DLK2: variants seen among roughly 807,000 people sequenced by gnomAD.
DLK2 encodes delta like non-canonical Notch ligand 2, also known as protein delta homolog 2.
Under a neutral mutation model 31.3 loss-of-function variants are expected in DLK2, and 9 were observed. The ratio of observed to expected loss-of-function variants is 0.29; its 90% confidence interval spans 0.17 to 0.50. DLK2 has a LOEUF of 0.50. DLK2 is among the 20% of genes least tolerant of loss of function. The probability of loss-of-function intolerance (pLI) is 0.98; values close to 1 mark genes in which losing one functional copy is unlikely to be tolerated. For missense variants in DLK2, 387 were observed against 526.1 expected (o/e 0.74, Z 2.59); for synonymous variants, 169 against 201.2 (o/e 0.84, Z 1.35).
rs1291286116 is a variant in DLK2 at position 43,450,464 on chromosome 6, G to A, written c.*75C>T. ...CCTCTGTGTGTGTACCCAAGCTGAA[G>A]GGTGGTGAGAACGGACCACTCCAGT... On this transcript the variant is annotated 3_prime_UTR_variant, in exon 6 of 6. Transcript: ENST00000372488. This position sits in a 1 kb window ranked among gnomAD's most constrained non-coding sequence, Gnocchi z 4.5. 6.8e-7 allele frequency: 1 copy of A among 1,480,624 alleles called. No individual in the cohort carries two copies. The highest frequency in any genetic ancestry group is 1.4e-5 in the African/African-American group (1 of 71,174). 91.7% of individuals were successfully genotyped at this position (1,480,624 alleles called of 1,614,324 possible). A position where few individuals can be genotyped will look rare whatever the true frequency, so the allele number is the denominator to read the frequency against.
In DLK2 at chr6:43,450,549, G is replaced by T; in HGVS notation, c.1142C>A (p.Thr381Lys). Residue 381 changes from threonine to lysine, a missense_variant, in exon 6 of 6, where the codon ACA becomes AAA. Coordinates refer to ENST00000372488, the MANE Select transcript of DLK2 (RefSeq NM_023932.4). The surrounding 1 kb of genome is among the most constrained non-coding windows in gnomAD (Gnocchi z 4.5). ...RDLPPEPGKT[T>K]AL ...AAGCCCCCACCTCCATCACAGTGCT[G>T]TGGTCTTTCCAGGCTCAGGGGGCAA... is the stretch of plus-strand genomic sequence containing the variant. 1.3e-6 allele frequency: 2 copies of T among 1,562,166 alleles called. No homozygotes were observed. The highest frequency in any genetic ancestry group is 1.7e-6 in the Non-Finnish European group (2 of 1,152,362).
rs1007047651 is a variant in DLK2 at position 43,455,456 on chromosome 6, C to G, written c.-117G>C. On this transcript the variant is annotated 5_prime_UTR_variant, in exon 1 of 6. Coordinates refer to ENST00000372488, the MANE Select transcript of DLK2 (RefSeq NM_023932.4). Reference sequence around the variant, plus strand: ...AGAGGCCGGATCCGACGGGCGCCGCCGAGGGGCCGTGAGGGAGCGCGGGGC... The same window carrying G: ...AGAGGCCGGATCCGACGGGCGCCGCGGAGGGGCCGTGAGGGAGCGCGGGGC... The G allele has an allele frequency of 6.7e-6, 1 of 149,460 alleles. No homozygotes were observed. Among genetic ancestry groups the G allele is most frequent in the African/African-American group, 2.5e-5 (1 of 40,656 alleles). The allele number at this position is 149,460 out of a possible 1,614,324, so 9.3% of individuals were successfully genotyped here. A position where few individuals can be genotyped will look rare whatever the true frequency, so the allele number is the denominator to read the frequency against.
chr6:43,455,285 CCCCG>C (rs747034860), intron 1 of DLK2, 106 bp downstream of exon 1: 114 of 148,788 alleles, frequency 7.7e-4, no homozygotes, highest in East Asian at 1.7e-3. Flanking sequence ...CAGCCCCCCC[CCCCG>C]CCACCACCAC....
chr6:43,451,912 CCACTCACCCTGAGGGCCCAG>C lies in DLK2; in HGVS notation c.416+8_416+27del, dbSNP rs1460401130. The stretch of plus-strand genomic sequence containing the variant: ...CATCACCAGGTTCTGGTCTAACCTT[CCACTCACCCTGAGGGCCCAG>C]CACTCACCCTGCCTGTTCACAGGGT... On this transcript the variant is annotated splice_region_variant and intron_variant, in intron 5 of 5. Coordinates refer to ENST00000372488, the MANE Select transcript of DLK2 (RefSeq NM_023932.4). This position sits in a 1 kb window ranked among gnomAD's most constrained non-coding sequence, Gnocchi z 4.4. The C allele has an allele frequency of 3.3e-5, 53 of 1,612,876 alleles. No homozygotes were observed. Among genetic ancestry groups the C allele is most frequent in the Non-Finnish European group, 4.4e-5 (52 of 1,179,742 alleles).
In DLK2 at chr6:43,453,557, T is replaced by C. The variant is rs1195286672; in HGVS notation, c.141-422A>G. Reference sequence around the variant, plus strand: ...CCTGTAATCCCAGCACTTTGGGAGGTCGAGGCAGGTGGATCACTTGAGGTC... The same window carrying C: ...CCTGTAATCCCAGCACTTTGGGAGGCCGAGGCAGGTGGATCACTTGAGGTC... On this transcript the variant is annotated intron_variant, in intron 3 of 5. Transcript: ENST00000372488. The surrounding 1 kb of genome is among the most constrained non-coding windows in gnomAD (Gnocchi z 4.1). 2.0e-5 allele frequency among the ~76,000 whole-genome samples: 3 copies of C among 151,682 alleles called. No individual in the cohort carries two copies. Among genetic ancestry groups the C allele is most frequent in the Non-Finnish European group, 2.9e-5 (2 of 67,934 alleles).
Position 43,450,645 on chromosome 6 carries a change from T to C in DLK2, c.1046A>G (p.Tyr349Cys), listed in dbSNP as rs959790697. 18 of 1,613,414 alleles carry C rather than the reference T, an allele frequency of 1.1e-5. No individual in the cohort carries two copies. Among genetic ancestry groups the C allele is most frequent in the Non-Finnish European group, 1.5e-5 (18 of 1,179,792 alleles). The change falls in exon 6 of 6, where the codon TAT (tyrosine) becomes TGT (cysteine). Residue 349 changes from tyrosine (Y) to cysteine (C), a missense_variant. Transcript: ENST00000372488. The surrounding 1 kb of genome is among the most constrained non-coding windows in gnomAD (Gnocchi z 4.5). ...PGPCCYPAPH[Y>C]APACQDQECQ... ...CTCCTGGTCCTGGCACGCTGGAGCA[T>C]AGTGTGGGGCAGGGTAGCAACAGGG...
intron 4 of DLK2, among the ~76,000 whole-genome samples, chr6:43,452,513 C>T (rs1349355770): frequency 6.6e-6 from 1 of 152,166 alleles, no homozygotes; most frequent in Non-Finnish European, 1.5e-5. Flanking sequence ...GTCAGGAGTT[C>T]GAGACCAGCC....
At chr6:43,455,125 G>A (rs974628006) in intron 1 of DLK2, 1 of 980,046 alleles carries the variant, frequency 1.0e-6, no homozygotes, top group African/African-American at 1.8e-5. Flanking sequence ...GGCCAGGCGC[G>A]GGAATGGCTG....
chr6:43,454,713 G>A, intron 2 of DLK2, 37 bp downstream of exon 2: 1 of 1,538,642 alleles, frequency 6.5e-7, no homozygotes, highest in Non-Finnish European at 8.7e-7. Context: ...AGGACGGCTG[G>A]ACAGGGCCGC....
upstream of DLK2, chr6:43,455,633 C>T (rs1314769596): frequency 7.4e-6 from 1 of 134,288 alleles, no homozygotes; most frequent in Non-Finnish European, 1.7e-5. Context: ...CCCGCCCCCA[C>T]CCCCATCCCC....
At position 43,451,200 on chromosome 6, in the gene DLK2, A is replaced by T. The variant is rs1268298763; in HGVS notation, c.491T>A (p.Val164Glu). 1.1e-5 allele frequency: 18 copies of T among 1,614,068 alleles called. No homozygotes were observed. The highest frequency in any genetic ancestry group is 1.4e-5 in the Non-Finnish European group (17 of 1,180,048). The change falls in exon 6 of 6, where the codon GTG becomes GAG. Residue 164 changes from valine to glutamate, a missense_variant. Val to Glu is a moderately radical substitution (Grantham distance 121). Coordinates refer to ENST00000372488, the MANE Select transcript of DLK2 (RefSeq NM_023932.4). This position sits in a 1 kb window ranked among gnomAD's most constrained non-coding sequence, Gnocchi z 4.4. ...FALNFTCRCL[V>E]GFVGARCEVN... ...CTCACAGCGGGCACCCACAAAGCCCACCAAGCAGCGGCACGTGAAGTTGAG... is the reference window on the plus strand; with the variant it reads ...CTCACAGCGGGCACCCACAAAGCCCTCCAAGCAGCGGCACGTGAAGTTGAG...
Position 43,451,775 on chromosome 6 carries a change from G to C in DLK2, c.416+165C>G. ...CAGAAGGTACAAAAAAAAAAGTTGA[G>C]AAACCCTGAACTAGGAACACTTTGG... On this transcript the variant is annotated intron_variant, in intron 5 of 5. Transcript: ENST00000372488. This position sits in a 1 kb window ranked among gnomAD's most constrained non-coding sequence, Gnocchi z 4.4. The C allele has an allele frequency of 1.0e-6, 1 of 961,726 alleles. No individual in the cohort carries two copies. The highest frequency in any genetic ancestry group is 1.2e-6 in the Non-Finnish European group (1 of 808,714). The allele number at this position is 961,726 out of a possible 1,614,324, so 59.6% of individuals were successfully genotyped here.
Position 43,453,099 on chromosome 6 carries a change from G to C in DLK2, c.177C>G (p.Arg59=). The C allele has an allele frequency of 6.2e-7, 1 of 1,613,920 alleles. No individual in the cohort carries two copies. Among genetic ancestry groups the C allele is most frequent in the Non-Finnish European group, 8.5e-7 (1 of 1,179,860 alleles). The change falls in exon 4 of 6, where the codon CGC becomes CGG. Residue 59 remains arginine, a synonymous_variant. Transcript: ENST00000372488. This position sits in a 1 kb window ranked among gnomAD's most constrained non-coding sequence, Gnocchi z 4.1. ...DPGWEGLHCE[R]CVRMPGCQHG... ...GCTGGCAGCCAGGCATCCTCACACA[G>C]CGCTCACAGTGCAGCCCCTCCCAGC...
At chr6:43,452,318 T>C (rs1315764515) in intron 4 of DLK2, among the ~76,000 whole-genome samples, 1 of 152,238 alleles carries the variant, frequency 6.6e-6, no homozygotes, top group Non-Finnish European at 1.5e-5. Context: ...CTGTGGCTCA[T>C]GCCTGTAATC....
chr6:43,453,902 T>C lies in DLK2; in HGVS notation c.140+509A>G, dbSNP rs772247260. Among the ~76,000 whole-genome samples, 3 of 152,120 alleles carry C rather than the reference T, an allele frequency of 2.0e-5. No individual in the cohort carries two copies. Among genetic ancestry groups the C allele is most frequent in the African/African-American group, 7.2e-5 (3 of 41,416 alleles). On this transcript the variant is annotated intron_variant, in intron 3 of 5. Coordinates refer to ENST00000372488, the MANE Select transcript of DLK2 (RefSeq NM_023932.4). The surrounding 1 kb of genome is among the most constrained non-coding windows in gnomAD (Gnocchi z 4.1). ...AAAAGCCCTCCAGGGGTGAAGAGTC[T>C]CAAAGACCCCCAGCCAATTGAACTA... is the stretch of plus-strand genomic sequence containing the variant.
intron 4 of DLK2, 128 bp downstream of exon 4, chr6:43,452,877 A>C: frequency 7.2e-7 from 1 of 1,388,624 alleles, no homozygotes; most frequent in Non-Finnish European, 9.9e-7. Context: ...TCTAAGATTT[A>C]AAAAAATGAT....
chr6:43,454,957 C>G, intron 1 of DLK2, 77 bp from the exon 2 acceptor site: 2 of 1,441,064 alleles, frequency 1.4e-6, no homozygotes, highest in Non-Finnish European at 1.8e-6. Context: ...TGACAGGAGC[C>G]GACGAGGGAG....
intron 4 of DLK2, among the ~76,000 whole-genome samples, chr6:43,452,360 G>T (rs1783799870): frequency 6.6e-6 from 1 of 152,164 alleles, no homozygotes; most frequent in Non-Finnish European, 1.5e-5. Flanking sequence ...GTGGGCAGAT[G>T]ACTTGAGGTC....
In DLK2 at chr6:43,450,929, T is replaced by C. The variant is rs777564809; in HGVS notation, c.762A>G (p.Pro254=). ...GGGTGTCCACTGTGGTTGGGGGGTC[T>C]GGGACAGGTAAGACAAGCTCACAGG... ...GKTCELVLPV[P]DPPTTVDTPL... The change falls in exon 6 of 6, where the codon CCA becomes CCG. Residue 254 remains proline, a synonymous_variant. Transcript: ENST00000372488. The surrounding 1 kb of genome is among the most constrained non-coding windows in gnomAD (Gnocchi z 4.5). 5 of 1,614,194 alleles carry C rather than the reference T, an allele frequency of 3.1e-6. No homozygotes were observed. The Admixed American group carries it at 8.3e-5, about 27-fold the overall frequency.
Sources: gnomAD v4.1 joint callset for allele counts (sites outside exome capture counted in the v4.1 genomes callset) on GRCh38, gnomAD v4.1.1 for gene constraint, Gnocchi (gnomAD v3.1) non-coding constraint, MANE v1.5 for transcripts, NCBI Gene and HGNC (gene_info 2026-07-23, HGNC 2026-07-21) for gene names.